The following ZNF37A variants were observed in gnomAD, a reference collection of about 807,000 sequenced individuals.
ZNF37A encodes zinc finger protein 37A.
In ZNF37A, 10 loss-of-function variants were observed where a neutral mutation model predicts 12.3. That is an observed-to-expected ratio of 0.82 (90% CI 0.50 to 1.38). The LOEUF is 1.38. ZNF37A is among the 40% of genes most tolerant of loss of function. The probability of loss-of-function intolerance (pLI) is 0.00; values close to 1 mark genes in which losing one functional copy is unlikely to be tolerated. For missense variants in ZNF37A, 580 were observed against 651.2 expected, an observed-to-expected ratio of 0.89 and a Z score of 1.19; for synonymous variants, 207 against 223.0, an observed-to-expected ratio of 0.93 and a Z score of 0.64.
At chr10:38,127,229 C>T (rs1372468817), downstream of ZNF37A, among the ~76,000 whole-genome samples, 7 of 152,026 alleles carry the variant, frequency 4.6e-5, no homozygotes, top group Admixed American at 6.6e-5. Context: ...TGGAGCTTGC[C>T]GCTGGCTTTT....
intron 5 of ZNF37A, among the ~76,000 whole-genome samples, chr10:38,112,745 CTTTTCTTTTCTTTTCTT>C: frequency 2.9e-5 from 1 of 34,440 alleles, no homozygotes; most frequent in Non-Finnish European, 6.0e-5. Context: ...CTTTTCTTTT[CTTTTCTTTTCTTTTCTT>C]TTCTTTTCTT....
At chr10:38,141,808 T>C (rs2070187802) in intron 7 of ZNF37A, 2 of 152,100 alleles carry the variant, frequency 1.3e-5, no homozygotes, top group African/African-American at 4.8e-5. Flanking sequence ...ATTTTTTAAA[T>C]CAGGAAAGAG....
At chr10:38,103,567 T>G (rs2472183) in intron 5 of ZNF37A, among the ~76,000 whole-genome samples, 62,387 of 151,882 alleles carry the variant, frequency 0.41, 12,993 homozygotes, top group East Asian at 0.49. Context: ...TTATTTCTTT[T>G]TTCTGTGTGT....
chr10:38,100,965 C>G (rs2067519056), intron 5 of ZNF37A, among the ~76,000 whole-genome samples: 1 of 152,152 alleles, frequency 6.6e-6, no homozygotes, highest in Admixed American at 6.6e-5. Flanking sequence ...TGCAGCCGGT[C>G]CCTCTGTTTG....
chr10:38,117,861 A>C lies in ZNF37A; in HGVS notation c.710A>C (p.His237Pro), dbSNP rs2069402770. The C allele has an allele frequency of 1.2e-5, 19 of 1,613,990 alleles. No individual in the cohort carries two copies. Among genetic ancestry groups the C allele is most frequent in the Non-Finnish European group, 1.6e-5 (19 of 1,179,976 alleles). Residue 237 changes from histidine (H) to proline (P), a missense_variant, in exon 8 of 8, where the codon CAC becomes CCC. By Grantham distance (77) the His-to-Pro change is moderately conservative. Coordinates refer to ENST00000685332, the MANE Select transcript of ZNF37A (RefSeq NM_001324250.3). ...AATCTCACTCCAATTCAGAGAACCC[A>C]CTCAATTAACAATATTATTGAATAT... ...KLNLTPIQRT[H>P]SINNIIEYNE... is the part of the protein sequence containing the mutation.
intron 7 of ZNF37A, among the ~76,000 whole-genome samples, chr10:38,131,058 TTTGA>T (rs142251895): frequency 0.021 from 3,263 of 152,264 alleles, 130 homozygotes; most frequent in East Asian, 0.12. Flanking sequence ...AGGTTATCTC[TTTGA>T]TTGTGGTGGC....
At chr10:38,141,798 A>T (rs1477609171) in intron 7 of ZNF37A, 4 of 152,126 alleles carry the variant, frequency 2.6e-5, no homozygotes, top group South Asian at 2.1e-4. Context: ...CAAAATAAAA[A>T]TTTTTTAAAT....
chr10:38,112,801 T>TCGGTC (rs879590645), intron 5 of ZNF37A, among the ~76,000 whole-genome samples: 1 of 68,722 alleles, frequency 1.5e-5, no homozygotes. Flanking sequence ...TTTTCTTGTC[T>TCGGTC]TGTCTTGTCT....
At chr10:38,115,399 C>T in intron 7 of ZNF37A, 109 bp downstream of exon 7, 1 of 1,447,422 alleles carries the variant, frequency 6.9e-7, no homozygotes, top group Non-Finnish European at 9.1e-7. Flanking sequence ...TTAGAGGCTC[C>T]AGACCTTTGG....
At chr10:38,125,060 C>G (rs1316245947), downstream of ZNF37A, 3 of 152,074 alleles carry the variant, frequency 2.0e-5, no homozygotes, top group Non-Finnish European at 4.4e-5. Context: ...AAACTTAAAA[C>G]TTGTAGAAGA....
Position 38,118,060 on chromosome 10 carries a change from A to G in ZNF37A, c.909A>G (p.Glu303=). Residue 303 remains glutamate, a synonymous_variant, in exon 8 of 8, where the codon GAA becomes GAG. Coordinates refer to ENST00000685332, the MANE Select transcript of ZNF37A (RefSeq NM_001324250.3). ...HTGGKPYECH[E]CGKTFYKNSD... ...GGGGAAAACCCTATGAATGTCATGA[A>G]TGTGGGAAGACCTTCTATAAGAATT... The G allele has an allele frequency of 6.2e-7, 1 of 1,614,058 alleles. No homozygotes were observed. Among genetic ancestry groups the G allele is most frequent in the African/African-American group, 1.3e-5 (1 of 75,038 alleles).
chr10:38,099,688 C>T (rs1002287514), intron 5 of ZNF37A, among the ~76,000 whole-genome samples: 10 of 152,180 alleles, frequency 6.6e-5, no homozygotes, highest in African/African-American at 2.4e-4. Context: ...CTTGAGGAAA[C>T]ACCAACCTGT....
At chr10:38,111,541 T>C (rs2068658221) in intron 5 of ZNF37A, among the ~76,000 whole-genome samples, 1 of 152,196 alleles carries the variant, frequency 6.6e-6, no homozygotes, top group Admixed American at 6.5e-5. Flanking sequence ...TACTCAATCT[T>C]ATTCATTCTA....
chr10:38,137,136 C>T (rs2070117832), intron 7 of ZNF37A, among the ~76,000 whole-genome samples: 2 of 152,162 alleles, frequency 1.3e-5, no homozygotes, highest in African/African-American at 2.4e-5. Flanking sequence ...CTCATCCAGG[C>T]TTCCTTGGGT....
At chr10:38,142,990 C>G (rs528476864) in intron 7 of ZNF37A, 71 of 152,266 alleles carry the variant, frequency 4.7e-4, no homozygotes, top group African/African-American at 1.7e-3. Context: ...TTCTTCATTC[C>G]TGATGTTATG....
intron 5 of ZNF37A, among the ~76,000 whole-genome samples, chr10:38,113,460 G>A (rs1180034837): frequency 6.6e-6 from 1 of 152,010 alleles, no homozygotes; most frequent in Non-Finnish European, 1.5e-5. Context: ...TCTCTTCCAA[G>A]CTTCAGAATC....
intron 7 of ZNF37A, chr10:38,137,483 C>G (rs913639827): frequency 6.6e-6 from 1 of 152,136 alleles, no homozygotes; most frequent in African/African-American, 2.4e-5. Flanking sequence ...TTGGTGGCTA[C>G]TTCAGTTTAT....
chr10:38,118,283 ACAGGGGAGAAGC>A lies in ZNF37A; in HGVS notation c.1134_1145del (p.Gly379_Pro382del). ...CCTTACTGTGCATCAGAAAACACACACAGGGGAGAAGCCCTATGAATGCTATGCATGTGGGAA... is the reference window on the plus strand; with the variant it reads ...CCTTACTGTGCATCAGAAAACACACACCTATGAATGCTATGCATGTGGGAA... On this transcript the variant is annotated inframe_deletion, in exon 8 of 8. Coordinates refer to ENST00000685332, the MANE Select transcript of ZNF37A (RefSeq NM_001324250.3). 6.2e-7 allele frequency: 1 copy of A among 1,614,032 alleles called. No individual in the cohort carries two copies.
chr10:38,117,871 C>A lies in ZNF37A; in HGVS notation c.720C>A (p.Asn240Lys). ...CAATTCAGAGAACCCACTCAATTAA[C>A]AATATTATTGAATATAATGAGTGTG... ...LTPIQRTHSI[N>K]NIIEYNECGT... Residue 240 changes from asparagine (N) to lysine (K), a missense_variant, in exon 8 of 8, where the codon AAC becomes AAA. By Grantham distance (94) the Asn-to-Lys change is moderately conservative. Transcript: ENST00000685332. 1 of 1,613,956 alleles carries A rather than the reference C, an allele frequency of 6.2e-7. No individual in the cohort carries two copies.
Sources: gnomAD v4.1 joint callset for allele counts (sites outside exome capture counted in the v4.1 genomes callset) on GRCh38, gnomAD v4.1.1 for gene constraint, MANE v1.5 for transcripts, NCBI Gene and HGNC (gene_info 2026-07-23, HGNC 2026-07-21) for gene names.